Variants in APBA2 observed in about 807,000 individuals in gnomAD.
APBA2 encodes the protein amyloid beta precursor protein binding family A member 2, also known as amyloid-beta A4 precursor protein-binding family A member 2.
In APBA2, 30 loss-of-function variants were observed where a neutral mutation model predicts 75.0. The ratio of observed to expected loss-of-function variants is 0.40; its 90% CI spans 0.30 to 0.54. The LOEUF is 0.54. APBA2 is among the 20% of genes least tolerant of loss of function. The pLI is 0.49. For synonymous variants in APBA2, 444 were observed against 409.6 expected (o/e 1.08, Z -1.01); for missense variants, 801 against 1,016.1 (o/e 0.79, Z 2.88).
At chr15:28,952,393 G>A (rs565176087) in intron 2 of APBA2, among the ~76,000 whole-genome samples, 204 of 152,200 alleles carry the variant, frequency 1.3e-3, no homozygotes, top group African/African-American at 4.8e-3. Context: ...AAAGCCAGGT[G>A]TGGTGACGCG....
chr15:29,061,516 G>A (rs527877632), intron 4 of APBA2, among the ~76,000 whole-genome samples: 52 of 152,318 alleles, frequency 3.4e-4, no homozygotes, highest in Middle Eastern at 3.4e-3. Context: ...AGAGCCTTCT[G>A]CCAATAGAAA....
chr15:29,045,599 T>C (rs192487479), intron 3 of APBA2, among the ~76,000 whole-genome samples: 308 of 152,266 alleles, frequency 2.0e-3, no homozygotes, highest in African/African-American at 7.1e-3. Flanking sequence ...AAATGATACC[T>C]ATGGAGAGCT....
At chr15:28,897,773 A>G (rs759937866) in intron 1 of APBA2, among the ~76,000 whole-genome samples, 1 of 152,180 alleles carries the variant, frequency 6.6e-6, no homozygotes, top group South Asian at 2.1e-4. Context: ...AAGCTTACAT[A>G]TACTCTATGA....
At chr15:28,929,522 A>G (rs1368811222) in intron 2 of APBA2, among the ~76,000 whole-genome samples, 5 of 152,258 alleles carry the variant, frequency 3.3e-5, no homozygotes, top group Admixed American at 2.0e-4. Context: ...TGTCTTTAGC[A>G]TGGCACTTTG....
chr15:29,115,770 G>A (rs929837629), intron 14 of APBA2, among the ~76,000 whole-genome samples: 2 of 152,196 alleles, frequency 1.3e-5, no homozygotes, highest in African/African-American at 4.8e-5. Flanking sequence ...AGCAGGAGCA[G>A]CGGAAACCTA....
At chr15:28,952,874 G>A (rs575404108) in intron 2 of APBA2, among the ~76,000 whole-genome samples, 1 of 152,202 alleles carries the variant, frequency 6.6e-6, no homozygotes, top group Non-Finnish European at 1.5e-5. Context: ...AACTGATAAT[G>A]TAGAGCAATG....
intron 2 of APBA2, among the ~76,000 whole-genome samples, chr15:28,922,770 T>A (rs2034042686): frequency 6.6e-6 from 1 of 152,210 alleles, no homozygotes; most frequent in Non-Finnish European, 1.5e-5. Flanking sequence ...CTGCCCAGCC[T>A]GTCCTGTTCC....
At chr15:29,035,026 C>T (rs1365815500) in intron 3 of APBA2, among the ~76,000 whole-genome samples, 1 of 152,224 alleles carries the variant, frequency 6.6e-6, no homozygotes, top group East Asian at 1.9e-4. Context: ...TCCTTCTTCC[C>T]TGGGCCCTGG....
chr15:29,019,206 G>C (rs1026761588), intron 3 of APBA2, among the ~76,000 whole-genome samples: 2 of 152,232 alleles, frequency 1.3e-5, no homozygotes, highest in Non-Finnish European at 2.9e-5. Context: ...CTGCCTATGC[G>C]TGTCTCTCCC....
At chr15:28,895,380 A>T (rs1473356487) in intron 1 of APBA2, 2 of 152,268 alleles carry the variant, frequency 1.3e-5, no homozygotes, top group African/African-American at 4.8e-5. Context: ...TGGGAAAGAG[A>T]GCGGGAGCAG....
At chr15:28,942,846 T>A (rs994515106) in intron 2 of APBA2, among the ~76,000 whole-genome samples, 1 of 152,172 alleles carries the variant, frequency 6.6e-6, no homozygotes, top group Admixed American at 6.5e-5. Context: ...GGCGTGGGGC[T>A]TCTCCCCGGG....
intron 3 of APBA2, among the ~76,000 whole-genome samples, chr15:29,039,110 TGTGTG>T (rs2152859006): frequency 9.0e-6 from 1 of 111,314 alleles, no homozygotes; most frequent in Non-Finnish European, 1.9e-5. Context: ...TGTGTGTGTG[TGTGTG>T]TGTGTGTGTG....
At chr15:29,059,033 T>G (rs964347063) in intron 4 of APBA2, among the ~76,000 whole-genome samples, 3 of 152,196 alleles carry the variant, frequency 2.0e-5, no homozygotes, top group African/African-American at 7.2e-5. Flanking sequence ...AACCCTGAAA[T>G]CAATACTCGT....
intron 2 of APBA2, among the ~76,000 whole-genome samples, chr15:28,973,872 C>T (rs2037199949): frequency 6.6e-6 from 1 of 152,048 alleles, no homozygotes; most frequent in Admixed American, 6.6e-5. Flanking sequence ...AAATATAGAC[C>T]TTAAATACCC....
At chr15:29,045,725 A>G (rs960307291) in intron 3 of APBA2, among the ~76,000 whole-genome samples, 18 of 152,160 alleles carry the variant, frequency 1.2e-4, no homozygotes, top group African/African-American at 4.3e-4. Context: ...ACCACCAAAC[A>G]AACACTGGCT....
chr15:28,917,349 C>T (rs1423448680), intron 1 of APBA2, among the ~76,000 whole-genome samples: 1 of 152,170 alleles, frequency 6.6e-6, no homozygotes, highest in African/African-American at 2.4e-5. Context: ...GAAACCTGCT[C>T]CCCTCCAGGG....
intron 2 of APBA2, among the ~76,000 whole-genome samples, chr15:28,968,812 G>A (rs566915852): frequency 6.6e-6 from 1 of 152,212 alleles, no homozygotes; most frequent in Non-Finnish European, 1.5e-5. Context: ...AGGAAATGCG[G>A]AAGCAGACAC....
chr15:29,042,159 G>GT (rs1289898455), intron 3 of APBA2, among the ~76,000 whole-genome samples: 5 of 152,174 alleles, frequency 3.3e-5, no homozygotes, highest in Admixed American at 3.3e-4. Flanking sequence ...TCCTGTTTGT[G>GT]TGACTGTCTC....
chr15:29,030,295 T>TAA (rs2040424139), intron 3 of APBA2, among the ~76,000 whole-genome samples: 1 of 151,824 alleles, frequency 6.6e-6, no homozygotes, highest in Non-Finnish European at 1.5e-5. Flanking sequence ...CCGTCTCTAC[T>TAA]AAAAATACTT....
Sources: gnomAD v4.1 joint callset for allele counts (sites outside exome capture counted in the v4.1 genomes callset) on GRCh38, gnomAD v4.1.1 for gene constraint, MANE v1.5 for transcripts, NCBI Gene and HGNC (gene_info 2026-07-23, HGNC 2026-07-21) for gene names.